RIMS3: variants seen among roughly 807,000 people sequenced by gnomAD.
RIMS3 encodes regulating synaptic membrane exocytosis 3.
A neutral mutation model predicts 29.2 loss-of-function variants in RIMS3; 15 were observed. The ratio of observed to expected loss-of-function variants is 0.51; its 90% CI spans 0.34 to 0.79. The LOEUF (loss-of-function observed/expected upper bound fraction) is 0.79. Among genes scored for constraint, RIMS3 ranks in the 30% least tolerant of loss-of-function variants. RIMS3 has a pLI of 0.01. For synonymous variants in RIMS3, 161 were observed against 170.1 expected (o/e 0.95, Z 0.41); for missense variants, 342 against 421.4 (o/e 0.81, Z 1.65).
the RIMS3 span, among the ~76,000 whole-genome samples, chr1:40,686,007 G>C: frequency 6.6e-6 from 1 of 152,184 alleles, no homozygotes; most frequent in East Asian, 1.9e-4. Context: ...AAATTAGCTG[G>C]GTGTGGTGGT....
Position 40,635,817 on chromosome 1 carries a change from C to T in RIMS3, c.359+99G>A, listed in dbSNP as rs1226631737. The T allele has an allele frequency of 4.0e-6, 6 of 1,500,798 alleles. No homozygotes were observed. In the African/African-American group the frequency reaches 6.9e-5, roughly 17 times the overall value. 93.0% of individuals were successfully genotyped at this position (1,500,798 alleles called of 1,614,324 possible). ...GACACAGAGGACCCAGACATTTTAG[C>T]TGGAAACAAAACAGGGAGGCTTTCC... is the stretch of plus-strand genomic sequence containing the variant. On this transcript the variant is annotated intron_variant, in intron 4 of 7. Transcript: ENST00000372684. The surrounding 1 kb of genome is among the most constrained non-coding windows in gnomAD (Gnocchi z 4.1).
chr1:40,672,896 G>A, the RIMS3 span, among the ~76,000 whole-genome samples: 3 of 150,366 alleles, frequency 2.0e-5, no homozygotes. Context: ...GCCGGGCATG[G>A]TGGATTACAG....
chr1:40,692,038 C>G, the RIMS3 span: 1 of 189,836 alleles, frequency 5.3e-6, no homozygotes, highest in Non-Finnish European at 1.2e-5. Context: ...CCGCTGCTGT[C>G]GCCGCCGCCG....
At position 40,647,681 on chromosome 1, in the gene RIMS3, C is replaced by T. The variant is rs137867960; in HGVS notation, c.-45G>A. ...AACCCAACTCACCGAACTGATGAAT[C>T]TGAGCCTGGTGTTCCGCATCACAGG... On this transcript the variant is annotated 5_prime_UTR_variant, in exon 2 of 8. Transcript: ENST00000372684. 1.1e-3 allele frequency: 171 copies of T among 152,336 alleles called. 3 individuals are homozygous for T. The highest frequency in any genetic ancestry group is 4.0e-3 in the African/African-American group (165 of 41,540). 9.4% of individuals were successfully genotyped at this position (152,336 alleles called of 1,614,324 possible).
the RIMS3 span, among the ~76,000 whole-genome samples, chr1:40,685,820 A>G: frequency 7.9e-5 from 12 of 152,170 alleles, no homozygotes; most frequent in East Asian, 2.1e-3. Flanking sequence ...ATAGATGAAG[A>G]AGGATAAATT....
At chr1:40,631,218 C>T (rs973099418) in intron 5 of RIMS3, among the ~76,000 whole-genome samples, 1 of 152,172 alleles carries the variant, frequency 6.6e-6, no homozygotes, top group Non-Finnish European at 1.5e-5. Flanking sequence ...GAAGCCAACA[C>T]AGCCAACACC....
chr1:40,656,764 C>A (rs2148358949), intron 1 of RIMS3, among the ~76,000 whole-genome samples: 1 of 126,434 alleles, frequency 7.9e-6, no homozygotes. Context: ...GCCTGGGCAA[C>A]AAGAGCGAAA....
chr1:40,676,423 G>A, the RIMS3 span, among the ~76,000 whole-genome samples: 1 of 152,170 alleles, frequency 6.6e-6, no homozygotes, highest in African/African-American at 2.4e-5. Flanking sequence ...GCCTGTTAGA[G>A]GATCCAACAC....
Position 40,625,125 on chromosome 1 carries a change from A to C in RIMS3, c.*1392T>G, listed in dbSNP as rs1646445571. On this transcript the variant is annotated 3_prime_UTR_variant, in exon 8 of 8. Coordinates refer to ENST00000372684, the MANE Select transcript of RIMS3 (RefSeq NM_014747.3). The stretch of plus-strand genomic sequence containing the variant: ...CCACGGGACAGATTTCACAGGGTCC[A>C]GTTCAGGCACTGGTCTCCACCAACA... The C allele has an allele frequency of 6.6e-6, 1 of 152,480 alleles. No individual in the cohort carries two copies. The highest frequency in any genetic ancestry group is 6.5e-5 in the Admixed American group (1 of 15,272). 9.4% of individuals were successfully genotyped at this position (152,480 alleles called of 1,614,324 possible).
intron 1 of RIMS3, among the ~76,000 whole-genome samples, chr1:40,662,002 C>T (rs1176155350): frequency 1.3e-5 from 2 of 152,180 alleles, no homozygotes; most frequent in Non-Finnish European, 2.9e-5. Flanking sequence ...TCCCTGGGAC[C>T]GAGGCTGCTG....
intron 1 of RIMS3, among the ~76,000 whole-genome samples, chr1:40,648,563 T>C (rs766874626): frequency 7.2e-4 from 109 of 152,182 alleles, no homozygotes; most frequent in Non-Finnish European, 1.4e-3. Flanking sequence ...ACATAAAACA[T>C]TATAAAACAA....
At chr1:40,649,945 T>C (rs562709631) in intron 1 of RIMS3, among the ~76,000 whole-genome samples, 8 of 152,178 alleles carry the variant, frequency 5.3e-5, no homozygotes. Flanking sequence ...ACTCCAGACA[T>C]ACCTTGAGGG....
intron 1 of RIMS3, among the ~76,000 whole-genome samples, chr1:40,653,155 A>T (rs1027409892): frequency 1.3e-5 from 2 of 152,188 alleles, no homozygotes; most frequent in Non-Finnish European, 2.9e-5. Flanking sequence ...AGGTAAGCTG[A>T]TTCACGAGCG....
intron 6 of RIMS3, 34 bp downstream of exon 6, chr1:40,629,237 T>C (rs1266361339): frequency 6.4e-7 from 1 of 1,561,388 alleles, no homozygotes; most frequent in African/African-American, 1.4e-5. Context: ...TCTATGCCCC[T>C]CCCTGTCAGG....
At position 40,629,264 on chromosome 1, in the gene RIMS3, C is replaced by T. The variant is rs376136105; in HGVS notation, c.574+7G>A. ...CCTGTCAGGACCCCATTTCCAAAAT[C>T]CCTCACCTGGGAGGGATTTGGAGCC... On this transcript the variant is annotated splice_region_variant and intron_variant, in intron 6 of 7. Transcript: ENST00000372684. 4.3e-6 allele frequency: 7 copies of T among 1,612,892 alleles called. No homozygotes were observed. In the African/African-American group the frequency reaches 9.3e-5, roughly 22 times the overall value.
intron 5 of RIMS3, among the ~76,000 whole-genome samples, chr1:40,632,063 T>C (rs964431111): frequency 1.3e-5 from 2 of 152,162 alleles, no homozygotes; most frequent in African/African-American, 4.8e-5. Context: ...TTTTATTCAG[T>C]TTTTGAGACA....
chr1:40,684,138 A>G, the RIMS3 span, among the ~76,000 whole-genome samples: 2 of 152,226 alleles, frequency 1.3e-5, no homozygotes, highest in Non-Finnish European at 2.9e-5. Context: ...GAATGGAGGC[A>G]ACTTGGGACT....
chr1:40,626,881 T>G (rs150832415), intron 7 of RIMS3, 152 bp from the exon 8 acceptor site: 59 of 713,540 alleles, frequency 8.3e-5, no homozygotes, highest in Middle Eastern at 2.9e-4. Context: ...TACTGAGCAC[T>G]TGAGGTGTGT....
In RIMS3 at chr1:40,626,401, A is replaced by ACAGG. The variant is rs2148342149; in HGVS notation, c.*112_*115dup. On this transcript the variant is annotated 3_prime_UTR_variant, in exon 8 of 8. Transcript: ENST00000372684. ...CCAGCTGGGATGAGCCCAGTAGCCA[A>ACAGG]CAGGCATGCAGCAGGACAAGGGGTC... 1.0e-6 allele frequency: 1 copy of ACAGG among 967,558 alleles called. No individual in the cohort carries two copies. 59.9% of individuals were successfully genotyped at this position (967,558 alleles called of 1,614,324 possible). A position where few individuals can be genotyped will look rare whatever the true frequency, so the allele number is the denominator to read the frequency against.
Sources: gnomAD v4.1 joint callset for allele counts (sites outside exome capture counted in the v4.1 genomes callset) on GRCh38, gnomAD v4.1.1 for gene constraint, Gnocchi (gnomAD v3.1) non-coding constraint, MANE v1.5 for transcripts, NCBI Gene and HGNC (gene_info 2026-07-23, HGNC 2026-07-21) for gene names.